DOCK3: variants seen among roughly 807,000 people sequenced by gnomAD.
DOCK3 encodes dedicator of cytokinesis protein 3.
DOCK3 carries 60 observed loss-of-function variants against 265.6 expected under a neutral mutation model. That is an observed-to-expected ratio of 0.23 (90% CI 0.18 to 0.28). The LOEUF (loss-of-function observed/expected upper bound fraction) is 0.28. Ranked by LOEUF, DOCK3 falls within the 10% of genes least tolerant of loss-of-function variation. The pLI, the probability that DOCK3 is intolerant of heterozygous loss-of-function variation, is 1.00. For missense variants in DOCK3, 1,981 were observed against 2,594.3 expected (o/e 0.76, Z 5.14); for synonymous variants, 881 against 938.0 (o/e 0.94, Z 1.11).
intron 9 of DOCK3, among the ~76,000 whole-genome samples, chr3:51,111,389 A>G (rs1279590860): frequency 1.3e-5 from 2 of 152,250 alleles, no homozygotes; most frequent in Non-Finnish European, 2.9e-5. Flanking sequence ...AGACACATAG[A>G]CCAGTGGAAC....
rs114348807 is a variant in DOCK3, at chr3:50,985,218, A to T, written c.315+51141A>T. Among the ~76,000 whole-genome samples the T allele has an allele frequency of 3.5e-3, 527 of 152,366 alleles. 4 individuals are homozygous for T. The highest frequency in any genetic ancestry group is 0.012 in the African/African-American group (508 of 41,588). ...TGAATGTGTATTGACATATGGATGCATATTAGGTTTTTCTGTATTGCACAT... is the reference window on the plus strand; with the variant it reads ...TGAATGTGTATTGACATATGGATGCTTATTAGGTTTTTCTGTATTGCACAT... On this transcript the variant is annotated intron_variant, in intron 5 of 52. Transcript: ENST00000266037.
chr3:50,803,056 G>T (rs1022003728), intron 2 of DOCK3, among the ~76,000 whole-genome samples: 11 of 147,856 alleles, frequency 7.4e-5, no homozygotes, highest in African/African-American at 1.5e-4. Flanking sequence ...ATGTATTTAT[G>T]TATTTATTTA....
At chr3:51,353,000 G>A (rs1483788629) in intron 40 of DOCK3, among the ~76,000 whole-genome samples, 2 of 152,236 alleles carry the variant, frequency 1.3e-5, no homozygotes, top group African/African-American at 2.4e-5. Flanking sequence ...TGCCTGCCTC[G>A]CCTCACAAAT....
At chr3:51,200,375 G>A (rs1162066898) in intron 12 of DOCK3, among the ~76,000 whole-genome samples, 13 of 148,204 alleles carry the variant, frequency 8.8e-5, no homozygotes, top group Admixed American at 4.1e-4. Flanking sequence ...CGAGAACAAC[G>A]TGAAGAATGC....
At chr3:51,104,458 T>C (rs2083201408) in intron 9 of DOCK3, among the ~76,000 whole-genome samples, 1 of 152,178 alleles carries the variant, frequency 6.6e-6, no homozygotes, top group African/African-American at 2.4e-5. Flanking sequence ...GTAGTAGCCA[T>C]GTTGACAGTG....
At chr3:50,810,074 G>T (rs1378037923) in intron 2 of DOCK3, among the ~76,000 whole-genome samples, 3 of 152,142 alleles carry the variant, frequency 2.0e-5, no homozygotes, top group African/African-American at 7.2e-5. Flanking sequence ...GTTCCAGGCT[G>T]CAGTGAGCTA....
intron 7 of DOCK3, among the ~76,000 whole-genome samples, chr3:51,083,853 G>A (rs1054462573): frequency 5.3e-5 from 8 of 152,178 alleles, no homozygotes; most frequent in African/African-American, 1.9e-4. Flanking sequence ...GCATGGTGAT[G>A]TGCACCTGTA....
chr3:51,333,558 G>C (rs1231480680), intron 35 of DOCK3, among the ~76,000 whole-genome samples: 1 of 152,096 alleles, frequency 6.6e-6, no homozygotes, highest in African/African-American at 2.4e-5. Flanking sequence ...AGAGGAATGG[G>C]CACAGCAAGA....
chr3:50,954,348 A>G (rs1195813571), intron 5 of DOCK3, among the ~76,000 whole-genome samples: 2 of 152,154 alleles, frequency 1.3e-5, no homozygotes, highest in Non-Finnish European at 2.9e-5. Context: ...TCTGAGTTTC[A>G]TATAGATAAC....
intron 9 of DOCK3, among the ~76,000 whole-genome samples, chr3:51,126,423 TGA>T (rs2084269397): frequency 6.6e-6 from 1 of 152,328 alleles, no homozygotes; most frequent in African/African-American, 2.4e-5. Flanking sequence ...AACTTTCAGC[TGA>T]GGAATATAAA....
intron 26 of DOCK3, chr3:51,278,369 T>G: frequency 1.0e-6 from 1 of 985,202 alleles, no homozygotes; most frequent in Non-Finnish European, 1.2e-6. Context: ...AACTCCAGAG[T>G]AGACTTACTT....
intron 21 of DOCK3, among the ~76,000 whole-genome samples, chr3:51,243,729 T>G (rs2078709259): frequency 6.6e-6 from 1 of 152,216 alleles, no homozygotes; most frequent in South Asian, 2.1e-4. Context: ...GTAGTCCACC[T>G]TATTTTTTGT....
chr3:51,229,109 T>A (rs1369369818), intron 18 of DOCK3, among the ~76,000 whole-genome samples: 2 of 152,170 alleles, frequency 1.3e-5, no homozygotes, highest in African/African-American at 4.8e-5. Context: ...TCCTCTAGAT[T>A]CCACCTGTCC....
At chr3:51,184,501 A>G (rs375890347) in intron 12 of DOCK3, among the ~76,000 whole-genome samples, 3 of 151,816 alleles carry the variant, frequency 2.0e-5, no homozygotes, top group East Asian at 3.9e-4. Flanking sequence ...GGAACATTGA[A>G]GCTAACTGAA....
rs779536551 is a variant in DOCK3 at position 51,356,973 on chromosome 3, C to T, written c.4515C>T (p.Ser1505=). The change falls in exon 44 of 53, where the codon AGC becomes AGT. Residue 1505 remains serine (S), a synonymous_variant. Transcript: ENST00000266037. Reference sequence around the variant, plus strand: ...CTGTGTGCCCCTAGGTGGAGGTGAGCCCTCTGGAGAATGCCATCCAAGTGG... The same window carrying T: ...CTGTGTGCCCCTAGGTGGAGGTGAGTCCTCTGGAGAATGCCATCCAAGTGG... ...EVERRELVEV[S]PLENAIQVVE... 2 of 1,612,336 alleles carry T rather than the reference C, an allele frequency of 1.2e-6. No homozygotes were observed. Among genetic ancestry groups the T allele is most frequent in the Admixed American group, 1.7e-5 (1 of 59,898 alleles).
At chr3:50,742,516 T>C (rs1199942742) in intron 1 of DOCK3, among the ~76,000 whole-genome samples, 1 of 151,228 alleles carries the variant, frequency 6.6e-6, no homozygotes, top group African/African-American at 2.4e-5. Context: ...CTGATGGAGC[T>C]GAAAGCCAAG....
chr3:51,210,961 T>C (rs894624599), intron 13 of DOCK3, among the ~76,000 whole-genome samples: 2 of 152,240 alleles, frequency 1.3e-5, no homozygotes, highest in Non-Finnish European at 2.9e-5. Flanking sequence ...TTGTTGGCCT[T>C]GGATATGTAG....
chr3:51,212,115 TACA>T (rs1383291063), intron 13 of DOCK3, among the ~76,000 whole-genome samples: 9 of 152,232 alleles, frequency 5.9e-5, no homozygotes, highest in Admixed American at 5.9e-4. Context: ...ATCTCAACTC[TACA>T]AAAGGACATA....
At chr3:51,044,250 C>T (rs796149574) in intron 5 of DOCK3, among the ~76,000 whole-genome samples, 1 of 151,986 alleles carries the variant, frequency 6.6e-6, no homozygotes, top group African/African-American at 2.4e-5. Context: ...TGCAGCCATA[C>T]AAAAGAATGA....
Sources: gnomAD v4.1 joint callset for allele counts (sites outside exome capture counted in the v4.1 genomes callset) on GRCh38, gnomAD v4.1.1 for gene constraint, MANE v1.5 for transcripts, NCBI Gene and HGNC (gene_info 2026-07-23, HGNC 2026-07-21) for gene names.